Variants in DPY19L2 observed in about 807,000 individuals in gnomAD.
DPY19L2 encodes the protein probable C-mannosyltransferase DPY19L2.
Under a neutral mutation model 97.9 loss-of-function variants are expected in DPY19L2, and 34 were observed. That is an observed-to-expected ratio of 0.35 (90% CI 0.26 to 0.46). The LOEUF (loss-of-function observed/expected upper bound fraction) is 0.46, where lower values mean the gene tolerates loss of function less well. Among genes scored for constraint, DPY19L2 ranks in the 20% least tolerant of loss-of-function variants. DPY19L2 has a pLI of 1.00. For missense variants in DPY19L2, 623 were observed against 911.4 expected, an observed-to-expected ratio of 0.68 and a Z score of 4.07; for synonymous variants, 230 against 307.9, an observed-to-expected ratio of 0.75 and a Z score of 2.65.
chr12:63,668,778 C>T, upstream of DPY19L2: 1 of 215,846 alleles, frequency 4.6e-6, no homozygotes, highest in Non-Finnish European at 9.2e-6. Flanking sequence ...GCCCCATGTA[C>T]AGCCCCGGAC....
intron 4 of DPY19L2, chr12:63,651,788 G>A (rs1221694256): frequency 2.9e-6 from 1 of 345,650 alleles, no homozygotes; most frequent in East Asian, 7.7e-5. Flanking sequence ...CAAAGAACCA[G>A]AAGGACCCCG....
At chr12:63,624,966 C>G (rs888211289) in intron 7 of DPY19L2, among the ~76,000 whole-genome samples, 5 of 152,162 alleles carry the variant, frequency 3.3e-5, no homozygotes, top group Non-Finnish European at 7.3e-5. Flanking sequence ...AAGCCTTTGT[C>G]TTTATGTCAG....
rs550144328 is a variant in DPY19L2 at position 63,626,902 on chromosome 12, C to T, written c.804-376G>A. Among the ~76,000 whole-genome samples, 280 of 152,166 alleles carry T rather than the reference C, an allele frequency of 1.8e-3. 1 individual carries two copies. Among genetic ancestry groups the T allele is most frequent in the Middle Eastern group, 3.4e-3 (1 of 294 alleles). ...CCAACGATTCTCCTGCCTCAGGCTC[C>T]CAAGTAGCTCGGATTACAGGCGCGT... On this transcript the variant is annotated intron_variant, in intron 6 of 21. Coordinates refer to ENST00000324472, the MANE Select transcript of DPY19L2 (RefSeq NM_173812.5).
At chr12:63,665,777 T>A (rs184120471) in intron 2 of DPY19L2, 58 bp downstream of exon 2, 1 of 1,372,414 alleles carries the variant, frequency 7.3e-7, no homozygotes, top group South Asian at 1.3e-5. Flanking sequence ...ATGCAAAGAG[T>A]GATGGCAATT....
chr12:63,579,763 G>T (rs1014605804), intron 19 of DPY19L2, among the ~76,000 whole-genome samples: 1 of 151,968 alleles, frequency 6.6e-6, no homozygotes, highest in African/African-American at 2.4e-5. Flanking sequence ...GTTTAACGAG[G>T]CACTGTCACC....
chr12:63,598,911 C>T (rs1410605111), intron 13 of DPY19L2, among the ~76,000 whole-genome samples: 1 of 151,376 alleles, frequency 6.6e-6, no homozygotes, highest in East Asian at 1.9e-4. Context: ...GTGGTTCACA[C>T]CTGTAATCAC....
At chr12:63,626,682 C>G (rs1394603815) in intron 6 of DPY19L2, among the ~76,000 whole-genome samples, 156 bp from the exon 7 acceptor site, 1 of 152,056 alleles carries the variant, frequency 6.6e-6, no homozygotes, top group Non-Finnish European at 1.5e-5. Flanking sequence ...AAGTTTAAAT[C>G]CTGAATGTAT....
intron 9 of DPY19L2, among the ~76,000 whole-genome samples, chr12:63,619,312 A>G (rs1006029297): frequency 1.3e-5 from 2 of 152,148 alleles, no homozygotes; most frequent in African/African-American, 4.8e-5. Context: ...TGGTTGCACA[A>G]TTAACTAATT....
At chr12:63,579,516 C>T (rs912672542) in intron 19 of DPY19L2, among the ~76,000 whole-genome samples, 5 of 152,122 alleles carry the variant, frequency 3.3e-5, no homozygotes, top group African/African-American at 1.2e-4. Flanking sequence ...TGGCAGTTAT[C>T]TTAGAAGGAT....
At chr12:63,665,391 G>T (rs11831772) in intron 2 of DPY19L2, among the ~76,000 whole-genome samples, 25,235 of 151,510 alleles carry the variant, frequency 0.17, 2,255 homozygotes, top group East Asian at 0.28. Context: ...GAGGATCACT[G>T]GTGCCTGGGA....
rs1881090778 is a variant in DPY19L2, at chr12:63,582,424, G to A, written c.1707C>T (p.Ser569=). Residue 569 remains serine, a synonymous_variant, in exon 18 of 22, where the codon TCC becomes TCT. Coordinates refer to ENST00000324472, the MANE Select transcript of DPY19L2 (RefSeq NM_173812.5). ...CCCTTACCTGTCGAGAGCATATCAA[G>A]GAAGCCATAACACACATGTGCGGTG... ...FLTPHMCVMA[S]LICSRQLFGW... 6.2e-7 allele frequency: 1 copy of A among 1,612,854 alleles called. No individual in the cohort carries two copies. The highest frequency in any genetic ancestry group is 2.2e-5 in the East Asian group (1 of 44,816).
In DPY19L2 at chr12:63,634,451, A is replaced by G. The variant is rs548520859; in HGVS notation, c.804-7925T>C. ...GGTTCATCTCACTGGGGCTTGTCCA[A>G]TAGTGGGTGCAGCCCACGGAGCAGG... On this transcript the variant is annotated intron_variant, in intron 6 of 21. Coordinates refer to ENST00000324472, the MANE Select transcript of DPY19L2 (RefSeq NM_173812.5). Among the ~76,000 whole-genome samples the G allele has an allele frequency of 5.7e-4, 87 of 152,210 alleles. 2 individuals are homozygous for G. The South Asian group carries it at 0.017, about 30-fold the overall frequency.
chr12:63,580,314 A>G (rs969194441), intron 19 of DPY19L2, among the ~76,000 whole-genome samples: 11 of 152,160 alleles, frequency 7.2e-5, no homozygotes, highest in Non-Finnish European at 1.2e-4. Flanking sequence ...TTCATTTTTA[A>G]AGACTTACTT....
chr12:63,617,270 T>C (rs551171047), intron 11 of DPY19L2, 34 bp downstream of exon 11: 1 of 1,467,102 alleles, frequency 6.8e-7, no homozygotes, highest in East Asian at 2.3e-5. Flanking sequence ...TTTGGCAGGT[T>C]AAAAAAAACC....
chr12:63,640,179 C>T (rs148558455), intron 6 of DPY19L2, among the ~76,000 whole-genome samples: 2,480 of 152,150 alleles, frequency 0.016, 74 homozygotes, highest in African/African-American at 0.056. Flanking sequence ...GTTTGGGGAA[C>T]ATCACACACC....
At chr12:63,665,661 T>C (rs1896250870) in intron 2 of DPY19L2, among the ~76,000 whole-genome samples, 174 bp downstream of exon 2, 1 of 152,194 alleles carries the variant, frequency 6.6e-6, no homozygotes, top group Non-Finnish European at 1.5e-5. Flanking sequence ...ATCTATTTTG[T>C]AAATGCTGTT....
Position 63,615,438 on chromosome 12 carries a change from T to C in DPY19L2, c.1218+1866A>G, listed in dbSNP as rs528582317. On this transcript the variant is annotated intron_variant, in intron 11 of 21. Coordinates refer to ENST00000324472, the MANE Select transcript of DPY19L2 (RefSeq NM_173812.5). ...GTGCCTTTTAATGAAAGAACAATAC[T>C]AAAGACTTGCAAAAGTGATCAAGCC... 1.9e-4 allele frequency among the ~76,000 whole-genome samples: 29 copies of C among 152,266 alleles called. No homozygotes were observed. The South Asian group carries it at 5.4e-3, about 28-fold the overall frequency.
chr12:63,649,652 C>A (rs11533674), intron 4 of DPY19L2, among the ~76,000 whole-genome samples: 7,632 of 152,014 alleles, frequency 0.05, 323 homozygotes, highest in East Asian at 0.13. Flanking sequence ...CCTGAATAGA[C>A]CAATAACAAG....
chr12:63,583,697 A>G (rs1881322124), intron 17 of DPY19L2, 115 bp downstream of exon 17: 2 of 934,250 alleles, frequency 2.1e-6, no homozygotes, highest in Non-Finnish European at 3.3e-6. Flanking sequence ...TTTATCACCA[A>G]TGCTGAACAA....
Sources: allele counts gnomAD v4.1 joint callset (sites outside exome capture counted in the v4.1 genomes callset), GRCh38; gene constraint gnomAD v4.1.1; transcripts MANE v1.5; gene names NCBI Gene and HGNC (gene_info 2026-07-23, HGNC 2026-07-21).